AKAP13: variants seen among roughly 807,000 people sequenced by gnomAD.
AKAP13 encodes A-kinase anchor protein 13.
AKAP13 carries 80 observed loss-of-function variants against 264.5 expected under a neutral mutation model. The ratio of observed to expected loss-of-function variants is 0.30; its 90% CI spans 0.25 to 0.36. The LOEUF is 0.36. Among genes scored for constraint, AKAP13 ranks in the 10% least tolerant of loss-of-function variants. The pLI, the probability that AKAP13 is intolerant of heterozygous loss-of-function variation, is 1.00. For synonymous variants in AKAP13, 1,380 were observed against 1,250.2 expected, an observed-to-expected ratio of 1.10 and a Z score of -2.19; for missense variants, 3,712 against 3,435.2, an observed-to-expected ratio of 1.08 and a Z score of -2.01.
chr15:85,715,104 C>T (rs1027080073), intron 19 of AKAP13, among the ~76,000 whole-genome samples: 1 of 152,186 alleles, frequency 6.6e-6, no homozygotes, highest in East Asian at 1.9e-4. Flanking sequence ...GTTTATTTTC[C>T]TGGAGTTCGC....
chr15:85,619,230 T>C (rs1035479165), intron 8 of AKAP13: 13 of 315,348 alleles, frequency 4.1e-5, no homozygotes, highest in Admixed American at 6.5e-5. Flanking sequence ...AGATGAATCA[T>C]GTTCCCACAA....
chr15:85,648,473 C>G (rs2082658926), intron 10 of AKAP13, among the ~76,000 whole-genome samples: 1 of 152,012 alleles, frequency 6.6e-6, no homozygotes, highest in Non-Finnish European at 1.5e-5. Flanking sequence ...TTCCCAGAAC[C>G]ATTTACAAAA....
chr15:85,580,179 C>G lies in AKAP13; in HGVS notation c.2111C>G (p.Pro704Arg), dbSNP rs1297496292. ...TARQPSSQDP[P>R]DASHCEDPQA... ...AGGCAACCCAGCTCACAAGATCCAC[C>G]CGATGCCTCCCACTGTGAAGACCCA... The change falls in exon 7 of 37, where the codon CCC (proline) becomes CGC (arginine). Residue 704 changes from proline to arginine, a missense_variant. Physicochemically the swap from Pro to Arg is moderately radical, Grantham distance 103. Transcript: ENST00000394518. 1 of 1,614,214 alleles carries G rather than the reference C, an allele frequency of 6.2e-7. No homozygotes were observed. Among genetic ancestry groups the G allele is most frequent in the African/African-American group, 1.3e-5 (1 of 75,060 alleles).
At chr15:85,726,664 T>C (rs1276003334) in intron 27 of AKAP13, among the ~76,000 whole-genome samples, 178 bp downstream of exon 27, 1 of 152,122 alleles carries the variant, frequency 6.6e-6, no homozygotes, top group Admixed American at 6.5e-5. Flanking sequence ...TCCCAAAAAA[T>C]TATTATTCTG....
chr15:85,576,919 G>T (rs1387900742), intron 6 of AKAP13, among the ~76,000 whole-genome samples: 1 of 152,178 alleles, frequency 6.6e-6, no homozygotes, highest in Non-Finnish European at 1.5e-5. Context: ...AAAACTGTGG[G>T]AACATACATG....
chr15:85,663,139 A>G (rs918209129), intron 12 of AKAP13, among the ~76,000 whole-genome samples: 5 of 152,104 alleles, frequency 3.3e-5, no homozygotes, highest in African/African-American at 7.2e-5. Flanking sequence ...GTGAAACCCC[A>G]TCTCTACTAA....
intron 6 of AKAP13, among the ~76,000 whole-genome samples, chr15:85,576,571 T>G (rs535604243): frequency 6.6e-6 from 1 of 152,332 alleles, no homozygotes; most frequent in Admixed American, 6.5e-5. Context: ...CCACCCAGTT[T>G]ATTTCAGAGC....
chr15:85,391,459 G>A (rs1442521815), intron 1 of AKAP13, among the ~76,000 whole-genome samples: 2 of 150,804 alleles, frequency 1.3e-5, no homozygotes, highest in African/African-American at 2.4e-5. Flanking sequence ...TCTGCAGAGT[G>A]TATATTTGTC....
At chr15:85,676,772 A>G (rs1206041277) in intron 14 of AKAP13, among the ~76,000 whole-genome samples, 1 of 152,224 alleles carries the variant, frequency 6.6e-6, no homozygotes. Context: ...GTATGTATTT[A>G]TTAGCCAAAT....
chr15:85,586,039 C>A (rs371634579), intron 8 of AKAP13, among the ~76,000 whole-genome samples: 3 of 152,164 alleles, frequency 2.0e-5, no homozygotes, highest in East Asian at 3.8e-4. Flanking sequence ...TGGGCTGTTA[C>A]ATGTTTTCTT....
chr15:85,455,129 C>A (rs1369403211), intron 1 of AKAP13, among the ~76,000 whole-genome samples: 1 of 152,058 alleles, frequency 6.6e-6, no homozygotes, highest in Non-Finnish European at 1.5e-5. Flanking sequence ...TCCTTTTAGC[C>A]TTTTAGGACT....
chr15:85,532,600 C>G (rs1394612500), intron 3 of AKAP13, among the ~76,000 whole-genome samples: 1 of 152,210 alleles, frequency 6.6e-6, no homozygotes. Context: ...GAGCATAGTT[C>G]TGGCTATTTG....
intron 12 of AKAP13, among the ~76,000 whole-genome samples, chr15:85,661,668 C>T (rs958282359): frequency 6.6e-6 from 1 of 151,476 alleles, no homozygotes; most frequent in African/African-American, 2.4e-5. Flanking sequence ...TTGCGGTGAG[C>T]CAGGATCGCA....
At chr15:85,721,915 G>T in intron 23 of AKAP13, 76 bp from the exon 24 acceptor site, 1 of 1,585,808 alleles carries the variant, frequency 6.3e-7, no homozygotes, top group South Asian at 1.2e-5. Flanking sequence ...TTTACAACTA[G>T]ACTGGAAACA....
intron 10 of AKAP13, 36 bp from the exon 11 acceptor site, chr15:85,655,381 C>A: frequency 6.3e-7 from 1 of 1,588,776 alleles, no homozygotes; most frequent in Non-Finnish European, 8.6e-7. Context: ...ATTGGCCCTG[C>A]TGGCTTCAAC....
intron 10 of AKAP13, among the ~76,000 whole-genome samples, chr15:85,650,885 T>C (rs1338453830): frequency 1.3e-5 from 2 of 151,760 alleles, no homozygotes; most frequent in African/African-American, 2.4e-5. Context: ...GGTACTTTTC[T>C]TAAAATATTG....
chr15:85,535,143 C>G (rs1260773866), intron 4 of AKAP13: 3 of 152,212 alleles, frequency 2.0e-5, no homozygotes, highest in Non-Finnish European at 1.5e-5. Flanking sequence ...TCACTCTCCC[C>G]ACAGGTGAGC....
chr15:85,732,074 C>G (rs1328342834), intron 30 of AKAP13, among the ~76,000 whole-genome samples: 1 of 112,232 alleles, frequency 8.9e-6, no homozygotes, highest in Non-Finnish European at 1.8e-5. Flanking sequence ...CAGAGCGAGA[C>G]TATCTCAAAA....
intron 5 of AKAP13, among the ~76,000 whole-genome samples, chr15:85,550,073 C>T (rs62023889): frequency 0.19 from 29,483 of 152,104 alleles, 3,743 homozygotes; most frequent in Non-Finnish European, 0.28. Flanking sequence ...CACGCCACCA[C>T]GCCCGGCTTA....
Sources: gnomAD v4.1 joint callset for allele counts (sites outside exome capture counted in the v4.1 genomes callset) on GRCh38, gnomAD v4.1.1 for gene constraint, MANE v1.5 for transcripts, NCBI Gene and HGNC (gene_info 2026-07-23, HGNC 2026-07-21) for gene names.